The following KALRN variants were observed in gnomAD, a reference collection of about 807,000 sequenced individuals.
The protein encoded by KALRN is kalirin.
Under a neutral mutation model 353.7 loss-of-function variants are expected in KALRN, and 70 were observed. That is an observed-to-expected ratio of 0.20 (90% CI 0.16 to 0.24). The LOEUF (loss-of-function observed/expected upper bound fraction) is 0.24. Ranked by LOEUF, KALRN falls within the 10% of genes least tolerant of loss-of-function variation. The pLI is 1.00. For missense variants in KALRN, 2,791 were observed against 3,756.7 expected (o/e 0.74, Z 6.72); for synonymous variants, 1,391 against 1,434.8 (o/e 0.97, Z 0.69).
intron 11 of KALRN, among the ~76,000 whole-genome samples, chr3:124,393,112 C>T (rs560796563): frequency 6.6e-6 from 1 of 152,238 alleles, no homozygotes; most frequent in African/African-American, 2.4e-5. Flanking sequence ...GTTACAGGCA[C>T]CTGCCACCAT....
chr3:124,117,406 T>C (rs907138257), intron 1 of KALRN, among the ~76,000 whole-genome samples: 1 of 151,634 alleles, frequency 6.6e-6, no homozygotes, highest in Non-Finnish European at 1.5e-5. Flanking sequence ...TTATTAAGGG[T>C]CATCTCTGGA....
intron 32 of KALRN, among the ~76,000 whole-genome samples, chr3:124,494,629 G>A (rs555370510): frequency 1.3e-5 from 2 of 152,208 alleles, no homozygotes; most frequent in Non-Finnish European, 2.9e-5. Context: ...CACAAATGAT[G>A]GTGAGAGAGC....
chr3:124,571,044 C>T (rs1477683189), intron 34 of KALRN, among the ~76,000 whole-genome samples: 1 of 152,202 alleles, frequency 6.6e-6, no homozygotes, highest in Non-Finnish European at 1.5e-5. Flanking sequence ...AATCCAAACA[C>T]TTTCTACCCA....
At chr3:124,395,685 A>G (rs1184398689) in intron 12 of KALRN, 1 of 279,728 alleles carries the variant, frequency 3.6e-6, no homozygotes, top group Non-Finnish European at 6.9e-6. Flanking sequence ...AGAAATAGAC[A>G]TTATGGAACA....
intron 15 of KALRN, among the ~76,000 whole-genome samples, chr3:124,429,435 G>T (rs1053790048): frequency 2.6e-5 from 4 of 152,170 alleles, no homozygotes; most frequent in Non-Finnish European, 4.4e-5. Flanking sequence ...ACAGATAGTG[G>T]TGTCTTCTCC....
At chr3:124,682,366 G>A (rs2061379678) in intron 51 of KALRN, among the ~76,000 whole-genome samples, 1 of 152,174 alleles carries the variant, frequency 6.6e-6, no homozygotes, top group South Asian at 2.1e-4. Flanking sequence ...TACTCTTAGT[G>A]AGCTGAATCC....
intron 18 of KALRN, among the ~76,000 whole-genome samples, chr3:124,439,751 C>T (rs954754238): frequency 6.6e-6 from 1 of 152,156 alleles, no homozygotes; most frequent in Admixed American, 6.5e-5. Context: ...AGGGAGGAAG[C>T]ACAGGCCTGC....
At chr3:124,047,689 G>A (rs1577544446) in intron 1 of KALRN, among the ~76,000 whole-genome samples, 1 of 148,874 alleles carries the variant, frequency 6.7e-6, no homozygotes. Context: ...ATTTTTAGTA[G>A]AGACAGGGTT....
chr3:124,356,671 A>G (rs1242986104), intron 10 of KALRN, among the ~76,000 whole-genome samples: 3 of 152,180 alleles, frequency 2.0e-5, no homozygotes, highest in Non-Finnish European at 2.9e-5. Flanking sequence ...GAAGCATTTA[A>G]TCCTGTCACC....
At position 124,694,487 on chromosome 3, in the gene KALRN, T is replaced by C. The variant is rs1371168724; in HGVS notation, c.7561T>C (p.Tyr2521His). Residue 2521 changes from tyrosine (Y) to histidine (H), a missense_variant, in exon 53 of 60, where the codon TAC becomes CAC. Tyr to His is a moderately conservative substitution (Grantham distance 83, BLOSUM62 2). Around this residue, in one of 11 missense-constraint regions of KALRN, gnomAD observed 1,065 missense variants for 1,156.4 expected, o/e 0.92. Coordinates refer to ENST00000682506, the MANE Select transcript of KALRN (RefSeq NM_001388419.1). ...ILDTDNSSAT[Y>H]TVSSCDSGEI... is the part of the protein sequence containing the mutation. ...TGACACTGATAACAGCTCAGCCACA[T>C]ACACGGTCTCCTCTTGGTAAGCCGA... 1.2e-6 allele frequency: 2 copies of C among 1,614,002 alleles called. No individual in the cohort carries two copies. Among genetic ancestry groups the C allele is most frequent in the Non-Finnish European group, 1.7e-6 (2 of 1,179,998 alleles).
chr3:124,606,171 G>A (rs1230551146), intron 34 of KALRN, among the ~76,000 whole-genome samples: 1 of 152,206 alleles, frequency 6.6e-6, no homozygotes, highest in African/African-American at 2.4e-5. Context: ...AGAAAACACA[G>A]AGAGAAATAA....
intron 34 of KALRN, among the ~76,000 whole-genome samples, chr3:124,612,829 G>T (rs965042784): frequency 6.6e-6 from 1 of 152,172 alleles, no homozygotes. Context: ...CACTCAACAA[G>T]CATGTGTTGA....
intron 37 of KALRN, among the ~76,000 whole-genome samples, chr3:124,640,138 G>C (rs1464165844): frequency 6.6e-6 from 1 of 152,200 alleles, no homozygotes; most frequent in African/African-American, 2.4e-5. Flanking sequence ...AAGTACAACT[G>C]TGTGATAGCT....
At chr3:124,124,150 T>C (rs2064354411) in intron 1 of KALRN, among the ~76,000 whole-genome samples, 1 of 152,204 alleles carries the variant, frequency 6.6e-6, no homozygotes, top group Admixed American at 6.5e-5. Flanking sequence ...GATTCATCAT[T>C]GTAGATGCCT....
chr3:124,580,446 A>G (rs1035086320), intron 34 of KALRN, among the ~76,000 whole-genome samples: 4 of 152,176 alleles, frequency 2.6e-5, no homozygotes, highest in African/African-American at 9.7e-5. Flanking sequence ...GCTAATGCCT[A>G]ATATTTTTAA....
intron 28 of KALRN, 120 bp from the exon 29 acceptor site, chr3:124,488,084 A>G (rs1036128701): frequency 3.3e-6 from 2 of 600,426 alleles, no homozygotes; most frequent in Non-Finnish European, 6.0e-6. Context: ...CACTTTCTTT[A>G]TAGCTCAGAG....
chr3:124,076,806 T>C (rs2149295549), intron 1 of KALRN, among the ~76,000 whole-genome samples: 1 of 152,350 alleles, frequency 6.6e-6, no homozygotes, highest in East Asian at 1.9e-4. Context: ...CAGCCCCAGC[T>C]GATTGATGCC....
chr3:124,678,016 G>C (rs1383190947), intron 49 of KALRN, among the ~76,000 whole-genome samples, 174 bp from the exon 50 acceptor site: 2 of 152,168 alleles, frequency 1.3e-5, no homozygotes, highest in Non-Finnish European at 2.9e-5. Flanking sequence ...ACTTCCAGTT[G>C]GAGGCGAGGT....
chr3:124,582,854 G>A (rs1360421337), intron 34 of KALRN, among the ~76,000 whole-genome samples: 1 of 152,072 alleles, frequency 6.6e-6, no homozygotes, highest in African/African-American at 2.4e-5. Flanking sequence ...CTGCAGGCTT[G>A]ACATCCCCAG....
Sources: gnomAD v4.1 joint callset for allele counts (sites outside exome capture counted in the v4.1 genomes callset) on GRCh38, gnomAD v4.1.1 for gene constraint, gnomAD v4.1.1 regional missense constraint, MANE v1.5 for transcripts, NCBI Gene and HGNC (gene_info 2026-07-23, HGNC 2026-07-21) for gene names.